The following ATP1B3 variants were observed in gnomAD, a reference collection of about 807,000 sequenced individuals.
ATP1B3 encodes ATPase Na+/K+ transporting subunit beta 3, also known as sodium/potassium-transporting ATPase subunit beta-3.
Under a neutral mutation model 30.2 loss-of-function variants are expected in ATP1B3, and 10 were observed. That is an observed-to-expected ratio of 0.33 (90% CI 0.20 to 0.56). The LOEUF (loss-of-function observed/expected upper bound fraction) is 0.56. Ranked by LOEUF, ATP1B3 falls within the 20% of genes least tolerant of loss-of-function variation. ATP1B3 has a pLI of 0.90. For synonymous variants in ATP1B3, 113 were observed against 117.0 expected (o/e 0.97, Z 0.22); for missense variants, 238 against 336.7 (o/e 0.71, Z 2.29).
rs761534820 is a variant in ATP1B3, at chr3:141,913,734, A to G, written c.429A>G (p.Ala143=). 5.6e-6 allele frequency: 9 copies of G among 1,613,884 alleles called. No homozygotes were observed. Among genetic ancestry groups the G allele is most frequent in the South Asian group, 1.1e-5 (1 of 91,080 alleles). ...AACAGAAGGGTCCAGTTTATGTTGC[A>G]TGTCAGTTTCCTATTTCATTACTTC... ...LFEQKGPVYV[A]CQFPISLLQA... Residue 143 remains alanine, a synonymous_variant, in exon 4 of 7, where the codon GCA becomes GCG. Coordinates refer to ENST00000286371, the MANE Select transcript of ATP1B3 (RefSeq NM_001679.4).
intron 5 of ATP1B3, among the ~76,000 whole-genome samples, chr3:141,916,870 C>CT (rs61106802): frequency 0.075 from 11,338 of 151,180 alleles, 459 homozygotes; most frequent in Middle Eastern, 0.16. Flanking sequence ...GCATTTTTTT[C>CT]TTTTTTTTTC....
rs571294149 is a variant in ATP1B3, at chr3:141,925,773, T to C, written c.*72T>C. 5 of 1,535,326 alleles carry C rather than the reference T, an allele frequency of 3.3e-6. No homozygotes were observed. In the African/African-American group the frequency reaches 4.1e-5, roughly 13 times the overall value. On this transcript the variant is annotated 3_prime_UTR_variant, in exon 7 of 7. Coordinates refer to ENST00000286371, the MANE Select transcript of ATP1B3 (RefSeq NM_001679.4). ...CATTTTGTAACAGCTGGACCTTCCA[T>C]TCTAGAATTATGAGACCACCTTGGA...
intron 4 of ATP1B3, among the ~76,000 whole-genome samples, chr3:141,915,488 G>T (rs557348904): frequency 6.6e-6 from 1 of 152,198 alleles, no homozygotes; most frequent in Non-Finnish European, 1.5e-5. Flanking sequence ...GGCTCTCCCA[G>T]TGTGTGCCTT....
intron 2 of ATP1B3, among the ~76,000 whole-genome samples, chr3:141,905,346 G>A (rs1934243893): frequency 6.6e-6 from 1 of 152,144 alleles, no homozygotes; most frequent in Non-Finnish European, 1.5e-5. Context: ...AGCTAGAGAG[G>A]TGGTACTGTG....
intron 1 of ATP1B3, among the ~76,000 whole-genome samples, chr3:141,892,401 G>A (rs1933971563): frequency 6.6e-6 from 1 of 151,948 alleles, no homozygotes; most frequent in African/African-American, 2.4e-5. Context: ...TTCTATAACA[G>A]CATTAAGTGG....
intron 3 of ATP1B3, among the ~76,000 whole-genome samples, chr3:141,908,193 T>C (rs1000336152): frequency 5.3e-5 from 8 of 152,084 alleles, no homozygotes; most frequent in African/African-American, 1.9e-4. Context: ...AAGTTATGTC[T>C]GTGTCTGATT....
At chr3:141,904,828 G>C (rs549765013) in intron 2 of ATP1B3, among the ~76,000 whole-genome samples, 3 of 148,046 alleles carry the variant, frequency 2.0e-5, no homozygotes, top group Non-Finnish European at 4.4e-5. Context: ...TCCTGCCTCA[G>C]CCTCCCAAGG....
At chr3:141,879,783 A>G (rs1168953278) in intron 1 of ATP1B3, among the ~76,000 whole-genome samples, 2 of 147,344 alleles carry the variant, frequency 1.4e-5, no homozygotes, top group African/African-American at 5.0e-5. Flanking sequence ...CATCTCAAAA[A>G]AAAAAACCTT....
intron 1 of ATP1B3, among the ~76,000 whole-genome samples, chr3:141,902,685 T>A (rs569752704): frequency 3.6e-4 from 55 of 152,322 alleles, no homozygotes; most frequent in Non-Finnish European, 6.9e-4. Context: ...CCCTTAATGT[T>A]GAAACGTGTG....
intron 3 of ATP1B3, 104 bp downstream of exon 3, chr3:141,907,378 G>T: frequency 1.2e-6 from 1 of 854,240 alleles, no homozygotes; most frequent in South Asian, 2.1e-5. Context: ...CCAGCACTTT[G>T]GGAGGCCGAA....
chr3:141,896,375 G>A (rs1296439651), intron 1 of ATP1B3, among the ~76,000 whole-genome samples: 4 of 151,834 alleles, frequency 2.6e-5, no homozygotes, highest in Admixed American at 1.3e-4. Context: ...TTTTTAATTA[G>A]CTGGGCACGG....
At chr3:141,902,439 A>T (rs1238401340) in intron 1 of ATP1B3, among the ~76,000 whole-genome samples, 1 of 152,186 alleles carries the variant, frequency 6.6e-6, no homozygotes, top group African/African-American at 2.4e-5. Context: ...TGGGGGGAAA[A>T]TATATTCAGA....
chr3:141,890,735 C>T (rs1390885063), intron 1 of ATP1B3, among the ~76,000 whole-genome samples: 2 of 149,768 alleles, frequency 1.3e-5, no homozygotes, highest in Non-Finnish European at 3.0e-5. Flanking sequence ...ACCACGCCCA[C>T]CTAATTTTTG....
chr3:141,907,117 G>T (rs1395015525), intron 2 of ATP1B3, 50 bp from the exon 3 acceptor site: 1 of 1,409,944 alleles, frequency 7.1e-7, no homozygotes, highest in African/African-American at 1.4e-5. Context: ...TAAGAGGAAG[G>T]AAAAGAAGAG....
chr3:141,925,792 C>T lies in ATP1B3; in HGVS notation c.*91C>T, dbSNP rs1934648657. On this transcript the variant is annotated 3_prime_UTR_variant, in exon 7 of 7. Coordinates refer to ENST00000286371, the MANE Select transcript of ATP1B3 (RefSeq NM_001679.4). ...CTTCCATTCTAGAATTATGAGACCACCTTGGAGAAAGGTGTGTGGTACATG... is the reference window on the plus strand; with the variant it reads ...CTTCCATTCTAGAATTATGAGACCATCTTGGAGAAAGGTGTGTGGTACATG... 6.8e-7 allele frequency: 1 copy of T among 1,463,950 alleles called. No homozygotes were observed. The highest frequency in any genetic ancestry group is 1.4e-5 in the African/African-American group (1 of 71,172). 90.7% of individuals were successfully genotyped at this position (1,463,950 alleles called of 1,614,324 possible).
At chr3:141,895,913 T>G (rs564587388) in intron 1 of ATP1B3, among the ~76,000 whole-genome samples, 2 of 152,304 alleles carry the variant, frequency 1.3e-5, no homozygotes, top group African/African-American at 4.8e-5. Context: ...TTTCTAGCAT[T>G]CTGGTGGGTA....
At chr3:141,890,296 T>C (rs1458168936) in intron 1 of ATP1B3, among the ~76,000 whole-genome samples, 2 of 82,964 alleles carry the variant, frequency 2.4e-5, no homozygotes, top group Admixed American at 1.3e-4. Context: ...TTTTTTTTTT[T>C]TTTTTTTTTT....
chr3:141,925,801 A>G lies in ATP1B3; in HGVS notation c.*100A>G. 2.1e-6 allele frequency: 3 copies of G among 1,417,586 alleles called. No homozygotes were observed. Among genetic ancestry groups the G allele is most frequent in the Non-Finnish European group, 2.9e-6 (3 of 1,035,104 alleles). The allele number at this position is 1,417,586 out of a possible 1,614,324, so 87.8% of individuals were successfully genotyped here. The stretch of plus-strand genomic sequence containing the variant: ...TAGAATTATGAGACCACCTTGGAGA[A>G]AGGTGTGTGGTACATGACATTGGGT... On this transcript the variant is annotated 3_prime_UTR_variant, in exon 7 of 7. Transcript: ENST00000286371.
At chr3:141,891,468 C>G (rs1346046691) in intron 1 of ATP1B3, among the ~76,000 whole-genome samples, 2 of 152,072 alleles carry the variant, frequency 1.3e-5, no homozygotes, top group African/African-American at 4.8e-5. Context: ...TGTAAAAATT[C>G]ATGGTTTGAA....
Sources: gnomAD v4.1 joint callset for allele counts (sites outside exome capture counted in the v4.1 genomes callset) on GRCh38, gnomAD v4.1.1 for gene constraint, MANE v1.5 for transcripts, NCBI Gene and HGNC (gene_info 2026-07-23, HGNC 2026-07-21) for gene names.